The following TWF2 variants were observed in gnomAD, a reference collection of about 807,000 sequenced individuals.
TWF2 encodes the protein twinfilin-2.
A neutral mutation model predicts 45.1 loss-of-function variants in TWF2; 15 were observed. That is an observed-to-expected ratio of 0.33 (90% CI 0.22 to 0.51). TWF2 has a LOEUF of 0.51. Among genes scored for constraint, TWF2 ranks in the 20% least tolerant of loss-of-function variants. TWF2 has a pLI of 0.97. For synonymous variants in TWF2, 177 were observed against 195.8 expected (o/e 0.90, Z 0.80); for missense variants, 423 against 469.1 (o/e 0.90, Z 0.91).
Position 52,229,007 on chromosome 3 carries a change from A to T in TWF2, c.*27T>A, listed in dbSNP as rs1269403816. The T allele has an allele frequency of 1.9e-6, 3 of 1,604,576 alleles. No homozygotes were observed. On this transcript the variant is annotated 3_prime_UTR_variant, in exon 9 of 9. Coordinates refer to ENST00000305533, the MANE Select transcript of TWF2 (RefSeq NM_007284.4). ...CGGAAGGTGGGCAGCCCCACAGTCCACACGTGGCCGGCCCTGCTCCAGCCT... is the reference window on the plus strand; with the variant it reads ...CGGAAGGTGGGCAGCCCCACAGTCCTCACGTGGCCGGCCCTGCTCCAGCCT...
chr3:52,234,659 G>A (rs957059151), intron 2 of TWF2, among the ~76,000 whole-genome samples: 8 of 152,272 alleles, frequency 5.3e-5, no homozygotes, highest in South Asian at 2.1e-4. Flanking sequence ...CAAATGAGGC[G>A]GGTGGCACCA....
intron 2 of TWF2, among the ~76,000 whole-genome samples, chr3:52,232,583 G>A (rs991473267): frequency 3.3e-5 from 5 of 152,112 alleles, no homozygotes; most frequent in South Asian, 4.1e-4. Context: ...GGACAAATGT[G>A]CTGAGGGGCA....
In TWF2 at chr3:52,230,082, C is replaced by A; in HGVS notation, c.610-12G>T. 1 of 1,569,900 alleles carries A rather than the reference C, an allele frequency of 6.4e-7. No individual in the cohort carries two copies. Among genetic ancestry groups the A allele is most frequent in the Non-Finnish European group, 8.6e-7 (1 of 1,159,612 alleles). On this transcript the variant is annotated splice_polypyrimidine_tract_variant and intron_variant, in intron 6 of 8. Transcript: ENST00000305533. ...TCTAGGTCCAGCTTCTGCCCAGGGC[C>A]AAGGGAAGATGGGAGAGCACCAGGT...
chr3:52,228,829 GCA>G lies in TWF2; in HGVS notation c.*203_*204del. On this transcript the variant is annotated 3_prime_UTR_variant, in exon 9 of 9. Transcript: ENST00000305533. ...CAGGCAGGGTCCCCGGACACCCTGG[GCA>G]CACAGACGAGATGCAGGGACAGCAA... 5.2e-6 allele frequency: 4 copies of G among 775,796 alleles called. No homozygotes were observed. In the South Asian group the frequency reaches 5.7e-5, roughly 11 times the overall value. The allele number at this position is 775,796 out of a possible 1,614,324, so 48.1% of individuals were successfully genotyped here.
At chr3:52,236,571 G>T (rs934505204) in intron 1 of TWF2, among the ~76,000 whole-genome samples, 1 of 152,174 alleles carries the variant, frequency 6.6e-6, no homozygotes, top group South Asian at 2.1e-4. Flanking sequence ...GAACACAGCT[G>T]GAGGCCTGAG....
chr3:52,230,602 T>C (rs1447025726), intron 6 of TWF2, among the ~76,000 whole-genome samples: 1 of 151,974 alleles, frequency 6.6e-6, no homozygotes, highest in East Asian at 1.9e-4. Flanking sequence ...AATGGGGCAG[T>C]GTGCTCACAG....
chr3:52,239,117 T>C lies in TWF2; in HGVS notation c.-101A>G, dbSNP rs1459643588. On this transcript the variant is annotated 5_prime_UTR_variant, in exon 1 of 9. Transcript: ENST00000305533. Reference sequence around the variant, plus strand: ...GAGAGGTGGAGGATGTGGCGGAGGCTGTCGACCCTCGCGCAGCTTCCCGGG... The same window carrying C: ...GAGAGGTGGAGGATGTGGCGGAGGCCGTCGACCCTCGCGCAGCTTCCCGGG... The C allele has an allele frequency of 5.7e-6, 8 of 1,415,896 alleles. No homozygotes were observed. Among genetic ancestry groups the C allele is most frequent in the East Asian group, 5.9e-5 (2 of 33,972 alleles). The allele number at this position is 1,415,896 out of a possible 1,614,324, so 87.7% of individuals were successfully genotyped here.
At chr3:52,238,299 G>T (rs185712520) in intron 1 of TWF2, among the ~76,000 whole-genome samples, 1 of 152,344 alleles carries the variant, frequency 6.6e-6, no homozygotes, top group East Asian at 1.9e-4. Context: ...AGAGGTCAAG[G>T]TCAGATAGGC....
rs1577989384 is a variant in TWF2 at position 52,239,089 on chromosome 3, C to T, written c.-73G>A. ...CCTGGCCCGGCAACGCTCGCTGGAC[C>T]AAGAGAGGTGGAGGATGTGGCGGAG... On this transcript the variant is annotated 5_prime_UTR_variant, in exon 1 of 9. Coordinates refer to ENST00000305533, the MANE Select transcript of TWF2 (RefSeq NM_007284.4). 2.0e-6 allele frequency: 3 copies of T among 1,531,296 alleles called. No homozygotes were observed. In the East Asian group the frequency reaches 7.2e-5, roughly 37 times the overall value. The allele number at this position is 1,531,296 out of a possible 1,614,324, so 94.9% of individuals were successfully genotyped here.
In TWF2 at chr3:52,230,084, A is replaced by C. The variant is rs1324735748; in HGVS notation, c.610-14T>G. On this transcript the variant is annotated splice_polypyrimidine_tract_variant and intron_variant, in intron 6 of 8. Coordinates refer to ENST00000305533, the MANE Select transcript of TWF2 (RefSeq NM_007284.4). ...TAGGTCCAGCTTCTGCCCAGGGCCA[A>C]GGGAAGATGGGAGAGCACCAGGTCG... 3 of 1,568,570 alleles carry C rather than the reference A, an allele frequency of 1.9e-6. No individual in the cohort carries two copies. Among genetic ancestry groups the C allele is most frequent in the Non-Finnish European group, 2.6e-6 (3 of 1,158,896 alleles).
At chr3:52,231,335 G>A (rs1436738926) in intron 4 of TWF2, 104 bp from the exon 5 acceptor site, 11 of 1,556,898 alleles carry the variant, frequency 7.1e-6, no homozygotes, top group Middle Eastern at 1.7e-4. Context: ...CTCCCCCAGC[G>A]CCCCCATCTT....
intron 2 of TWF2, among the ~76,000 whole-genome samples, chr3:52,232,833 A>G (rs1275405285): frequency 1.3e-5 from 2 of 152,148 alleles, no homozygotes; most frequent in Non-Finnish European, 2.9e-5. Flanking sequence ...CCTGACCAAC[A>G]TGGAGAAACC....
rs987229224 is a variant in TWF2 at position 52,231,231 on chromosome 3, C to A, written c.379G>T (p.Asp127Tyr). 2 of 1,613,908 alleles carry A rather than the reference C, an allele frequency of 1.2e-6. No individual in the cohort carries two copies. The highest frequency in any genetic ancestry group is 8.5e-7 in the Non-Finnish European group (1 of 1,179,952). ...TGGTACCCAGCAAAAGAGAGGTCAT[C>A]CTGCAGGGGTGGGGGTGAATGCAGA... ...IKDELFGTVK[D>Y]DLSFAGYQKH... The change falls in exon 5 of 9, where the codon GAT becomes TAT. Residue 127 changes from aspartate (D) to tyrosine (Y), a missense_variant and splice_region_variant. Transcript: ENST00000305533.
In TWF2 at chr3:52,229,189, C is replaced by T. The variant is rs757554430; in HGVS notation, c.895G>A (p.Asp299Asn). 3.7e-6 allele frequency: 6 copies of T among 1,611,492 alleles called. No homozygotes were observed. Among genetic ancestry groups the T allele is most frequent in the African/African-American group, 2.7e-5 (2 of 74,904 alleles). The change falls in exon 9 of 9, where the codon GAT becomes AAT. Residue 299 changes from aspartate to asparagine, a missense_variant. Coordinates refer to ENST00000305533, the MANE Select transcript of TWF2 (RefSeq NM_007284.4). ...AACTCTGCCGTCAGCTCTGCCCCATCGCCAATCTCAATCTGCATGGGGCAA... is the reference window on the plus strand; with the variant it reads ...AACTCTGCCGTCAGCTCTGCCCCATTGCCAATCTCAATCTGCATGGGGCAA... ...LEIAKKIEIG[D>N]GAELTAEFLY...
In TWF2 at chr3:52,231,176, G is replaced by A. The variant is rs369525716; in HGVS notation, c.434C>T (p.Ala145Val). 2.5e-6 allele frequency: 4 copies of A among 1,613,968 alleles called. No individual in the cohort carries two copies. Among genetic ancestry groups the A allele is most frequent in the Non-Finnish European group, 3.4e-6 (4 of 1,179,986 alleles). ...CTCTCTCTCAGCCGAGGTCAGCGGG[G>A]CAGGTGCCGCACAGGACGACAGGTG... The part of the protein sequence containing the change: ...QKHLSSCAAP[A>V]PLTSAERELQ... Residue 145 changes from alanine (A) to valine (V), a missense_variant, in exon 5 of 9, where the codon GCC (alanine) becomes GTC (valine). By Grantham distance (64) the Ala-to-Val change is moderately conservative. Transcript: ENST00000305533.
chr3:52,228,951 G>T lies in TWF2; in HGVS notation c.*83C>A. 1 of 1,539,868 alleles carries T rather than the reference G, an allele frequency of 6.5e-7. No homozygotes were observed. The highest frequency in any genetic ancestry group is 8.8e-7 in the Non-Finnish European group (1 of 1,142,106). The stretch of plus-strand genomic sequence containing the variant: ...CCTGACCTCCCAGAAACACTTTCCT[G>T]GAGCCCAGGAAGGAGGATGGTGGCA... On this transcript the variant is annotated 3_prime_UTR_variant, in exon 9 of 9. Coordinates refer to ENST00000305533, the MANE Select transcript of TWF2 (RefSeq NM_007284.4).
intron 2 of TWF2, among the ~76,000 whole-genome samples, chr3:52,232,607 G>A: frequency 6.6e-6 from 1 of 152,172 alleles, no homozygotes; most frequent in East Asian, 1.9e-4. Flanking sequence ...CACAGCCCCA[G>A]GCCACAGGGA....
chr3:52,236,071 C>T (rs904245173), intron 1 of TWF2, among the ~76,000 whole-genome samples: 4 of 152,062 alleles, frequency 2.6e-5, no homozygotes, highest in African/African-American at 7.2e-5. Flanking sequence ...GAGGCCAAGG[C>T]GGGCAGATCA....
At chr3:52,229,553 C>T (rs1699658347) in intron 8 of TWF2, 108 bp downstream of exon 8, 6 of 1,524,490 alleles carry the variant, frequency 3.9e-6, no homozygotes, top group Non-Finnish European at 5.3e-6. Flanking sequence ...CTATGATCAA[C>T]ACGACAGCAA....
Sources: gnomAD v4.1 joint callset for allele counts (sites outside exome capture counted in the v4.1 genomes callset) on GRCh38, gnomAD v4.1.1 for gene constraint, MANE v1.5 for transcripts, NCBI Gene and HGNC (gene_info 2026-07-23, HGNC 2026-07-21) for gene names.